CACNG3: variants seen among roughly 807,000 people sequenced by gnomAD.
CACNG3 encodes the protein calcium voltage-gated channel auxiliary subunit gamma 3.
In CACNG3, 3 loss-of-function variants were observed where a neutral mutation model predicts 28.5. The ratio of observed to expected loss-of-function variants is 0.11; its 90% confidence interval spans 0.05 to 0.27. CACNG3 has a LOEUF of 0.27. Ranked by LOEUF, CACNG3 falls within the 10% of genes least tolerant of loss-of-function variation. The pLI, the probability that CACNG3 is intolerant of heterozygous loss-of-function variation, is 1.00. For missense variants in CACNG3, 236 were observed against 414.4 expected, an observed-to-expected ratio of 0.57 and a Z score of 3.74; for synonymous variants, 174 against 162.2, an observed-to-expected ratio of 1.07 and a Z score of -0.55.
chr16:24,286,305 G>A (rs1240565794), intron 1 of CACNG3, among the ~76,000 whole-genome samples: 1 of 151,702 alleles, frequency 6.6e-6, no homozygotes, highest in Admixed American at 6.6e-5. Flanking sequence ...GATCAATAAG[G>A]GTATGGGGTT....
intron 1 of CACNG3, among the ~76,000 whole-genome samples, chr16:24,322,186 C>T (rs1899470404): frequency 6.6e-6 from 1 of 152,154 alleles, no homozygotes; most frequent in Admixed American, 6.5e-5. Context: ...CCCTGTGCCC[C>T]GCTGATGACT....
At chr16:24,317,044 A>G (rs1899361247) in intron 1 of CACNG3, among the ~76,000 whole-genome samples, 1 of 151,708 alleles carries the variant, frequency 6.6e-6, no homozygotes, top group Admixed American at 6.6e-5. Context: ...TACATAGGGA[A>G]CTCCTGTGAA....
intron 2 of CACNG3, 53 bp downstream of exon 2, chr16:24,346,870 C>A (rs1369373624): frequency 1.3e-5 from 18 of 1,377,482 alleles, no homozygotes; most frequent in Non-Finnish European, 1.6e-5. Context: ...GGGCCTCTGC[C>A]ATCACTCAGC....
intron 1 of CACNG3, among the ~76,000 whole-genome samples, chr16:24,265,802 C>T (rs897646489): frequency 6.6e-6 from 1 of 152,154 alleles, no homozygotes; most frequent in Non-Finnish European, 1.5e-5. Flanking sequence ...TATTTCTTGT[C>T]ATTTATATTT....
intron 1 of CACNG3, among the ~76,000 whole-genome samples, chr16:24,315,546 T>C (rs1470973734): frequency 6.6e-6 from 1 of 151,708 alleles, no homozygotes; most frequent in Non-Finnish European, 1.5e-5. Context: ...TTTCCTTTTT[T>C]TCTTTTCTTC....
rs148228838 is a variant in CACNG3 at position 24,306,551 on chromosome 16, A to C, written c.212-40183A>C. On this transcript the variant is annotated intron_variant, in intron 1 of 3. Coordinates refer to ENST00000005284, the MANE Select transcript of CACNG3 (RefSeq NM_006539.4). ...CGCCCACTTCTTTGCCTCTAACACCAGGTACCACAGTTTCTTTAATGTACA... is the reference window on the plus strand; with the variant it reads ...CGCCCACTTCTTTGCCTCTAACACCCGGTACCACAGTTTCTTTAATGTACA... 1.1e-4 allele frequency among the ~76,000 whole-genome samples: 16 copies of C among 152,230 alleles called. No homozygotes were observed. The East Asian group carries it at 2.9e-3, about 28-fold the overall frequency.
At chr16:24,342,944 C>T (rs747566200) in intron 1 of CACNG3, among the ~76,000 whole-genome samples, 7 of 152,072 alleles carry the variant, frequency 4.6e-5, no homozygotes, top group Non-Finnish European at 1.0e-4. Flanking sequence ...AATCCCAGCA[C>T]TTCAGGAGGC....
chr16:24,351,626 GGA>G (rs1164189353), intron 2 of CACNG3, among the ~76,000 whole-genome samples: 21 of 113,702 alleles, frequency 1.8e-4, no homozygotes, highest in African/African-American at 6.8e-4. Context: ...GGGAAGGAGG[GGA>G]AGGGGAAGGG....
chr16:24,307,937 T>A (rs1899207871), intron 1 of CACNG3, among the ~76,000 whole-genome samples: 1 of 152,160 alleles, frequency 6.6e-6, no homozygotes, highest in South Asian at 2.1e-4. Context: ...GTGGTCATTG[T>A]CCCTCCAGCA....
rs1567217746 is a variant in CACNG3, at chr16:24,317,704, GAAAGAAAGA to G, written c.212-29013_212-29005del. 3.2e-3 allele frequency among the ~76,000 whole-genome samples: 339 copies of G among 107,046 alleles called. 20 individuals are homozygous for G. Among genetic ancestry groups the G allele is most frequent in the African/African-American group, 0.01 (254 of 25,188 alleles). The allele number at this position is 107,046 out of a possible 152,430, so 70.2% of individuals were successfully genotyped here. On this transcript the variant is annotated intron_variant, in intron 1 of 3. Coordinates refer to ENST00000005284, the MANE Select transcript of CACNG3 (RefSeq NM_006539.4). ...AGAAAGAAAGAAAGAAAGAAAGAAA[GAAAGAAAGA>G]AAAGAAAGAAAAGAAAAAAGAAATG...
At chr16:24,260,903 T>C (rs1298546618) in intron 1 of CACNG3, among the ~76,000 whole-genome samples, 1 of 152,130 alleles carries the variant, frequency 6.6e-6, no homozygotes, top group Non-Finnish European at 1.5e-5. Flanking sequence ...GCCTGTGAAT[T>C]TGAATGAGAA....
chr16:24,257,851 G>A (rs1374950143), intron 1 of CACNG3, among the ~76,000 whole-genome samples: 1 of 152,154 alleles, frequency 6.6e-6, no homozygotes, highest in Non-Finnish European at 1.5e-5. Context: ...CCCTTTTGTA[G>A]CCTATCACAC....
chr16:24,284,786 T>C (rs752464478), intron 1 of CACNG3, among the ~76,000 whole-genome samples: 8 of 152,176 alleles, frequency 5.3e-5, no homozygotes, highest in Non-Finnish European at 1.0e-4. Context: ...GAAGAGGTCC[T>C]TTTGGCATCC....
At chr16:24,291,213 T>C (rs1370834386) in intron 1 of CACNG3, among the ~76,000 whole-genome samples, 1 of 152,244 alleles carries the variant, frequency 6.6e-6, no homozygotes, top group Non-Finnish European at 1.5e-5. Context: ...ATAGCCACGT[T>C]GTTGTTGCTT....
At chr16:24,286,308 A>G (rs1898892369) in intron 1 of CACNG3, among the ~76,000 whole-genome samples, 2 of 151,952 alleles carry the variant, frequency 1.3e-5, no homozygotes, top group South Asian at 2.1e-4. Flanking sequence ...CAATAAGGGT[A>G]TGGGGTTATA....
intron 1 of CACNG3, among the ~76,000 whole-genome samples, chr16:24,287,154 G>A (rs1567210662): frequency 6.6e-6 from 1 of 152,164 alleles, no homozygotes; most frequent in Non-Finnish European, 1.5e-5. Context: ...GCAATTAAGA[G>A]ACACTGGTCA....
In CACNG3 at chr16:24,312,939, GAA is replaced by G. The variant is rs1567216073; in HGVS notation, c.212-33793_212-33792del. Among the ~76,000 whole-genome samples the G allele has an allele frequency of 5.9e-4, 53 of 89,518 alleles. 1 individual carries two copies. The highest frequency in any genetic ancestry group is 2.0e-3 in the African/African-American group (45 of 22,908). The allele number at this position is 89,518 out of a possible 152,430, so 58.7% of individuals were successfully genotyped here. A position where few individuals can be genotyped will look rare whatever the true frequency, so the allele number is the denominator to read the frequency against. On this transcript the variant is annotated intron_variant, in intron 1 of 3. Transcript: ENST00000005284. ...AGGAAGGAAGAAAGAAAGAAAGAAAGAAAGAAAGAAAGAAAGAGAAAGAAAGA... is the reference window on the plus strand; with the variant it reads ...AGGAAGGAAGAAAGAAAGAAAGAAAGAGAAAGAAAGAAAGAGAAAGAAAGA...
chr16:24,360,948 G>T (rs1488516046), intron 3 of CACNG3, among the ~76,000 whole-genome samples: 1 of 152,090 alleles, frequency 6.6e-6, no homozygotes, highest in Non-Finnish European at 1.5e-5. Context: ...TCCTGTAATT[G>T]CATTTACATG....
At chr16:24,264,525 G>A (rs1391728088) in intron 1 of CACNG3, among the ~76,000 whole-genome samples, 1 of 152,164 alleles carries the variant, frequency 6.6e-6, no homozygotes, top group Non-Finnish European at 1.5e-5. Flanking sequence ...CAGTCAGCAC[G>A]CAGATCCCTG....
Sources: gnomAD v4.1 joint callset for allele counts (sites outside exome capture counted in the v4.1 genomes callset) on GRCh38, gnomAD v4.1.1 for gene constraint, MANE v1.5 for transcripts, NCBI Gene and HGNC (gene_info 2026-07-23, HGNC 2026-07-21) for gene names.